The following LPO variants were observed in gnomAD, a reference collection of about 807,000 sequenced individuals.
The protein encoded by LPO is lactoperoxidase.
A neutral mutation model predicts 68.4 loss-of-function variants in LPO; 70 were observed. That is an observed-to-expected ratio of 1.02 (90% CI 0.84 to 1.25). The LOEUF (loss-of-function observed/expected upper bound fraction) is 1.25, where lower values mean the gene tolerates loss of function less well. Among genes scored for constraint, LPO ranks in the 50% most tolerant of loss-of-function variants. The pLI is 0.00. For missense variants in LPO, 873 were observed against 908.4 expected (o/e 0.96, Z 0.50); for synonymous variants, 360 against 357.6 (o/e 1.01, Z -0.08).
rs73314142 is a variant in LPO at position 58,253,106 on chromosome 17, A to G, written c.1105+600A>G. 3.0e-3 allele frequency among the ~76,000 whole-genome samples: 452 copies of G among 152,132 alleles called. 6 individuals carry two copies. The highest frequency in any genetic ancestry group is 0.01 in the African/African-American group (434 of 41,492). On this transcript the variant is annotated intron_variant, in intron 8 of 12. Transcript: ENST00000262290. The stretch of plus-strand genomic sequence containing the variant: ...ATTCACACAATCCCACTACCCACCA[A>G]TAATCATCGTTAACATTTTCATGCT...
chr17:58,263,395 A>G (rs901441740), intron 9 of LPO, among the ~76,000 whole-genome samples: 1 of 152,144 alleles, frequency 6.6e-6, no homozygotes, highest in African/African-American at 2.4e-5. Flanking sequence ...TTTCAGTTGT[A>G]TCTTAGACAT....
At chr17:58,248,031 CA>C (rs1332112957) in intron 4 of LPO, among the ~76,000 whole-genome samples, 1 of 151,792 alleles carries the variant, frequency 6.6e-6, no homozygotes, top group Non-Finnish European at 1.5e-5. Flanking sequence ...CCACATGTGT[CA>C]GGGGGATTTA....
At chr17:58,247,684 C>G in intron 4 of LPO, 46 bp downstream of exon 4, 1 of 1,590,922 alleles carries the variant, frequency 6.3e-7, no homozygotes, top group Non-Finnish European at 8.6e-7. Flanking sequence ...GGGTCATCTC[C>G]CCACAGGAGA....
chr17:58,248,253 T>A (rs568010546), intron 4 of LPO, among the ~76,000 whole-genome samples: 1 of 152,034 alleles, frequency 6.6e-6, no homozygotes, highest in Non-Finnish European at 1.5e-5. Context: ...TGGGAAAACA[T>A]CAAGTGAGGG....
rs8178333 is a variant in LPO at position 58,249,702 on chromosome 17, G to A, written c.573+7G>A. On this transcript the variant is annotated splice_region_variant and intron_variant, in intron 6 of 12. Coordinates refer to ENST00000262290, the MANE Select transcript of LPO (RefSeq NM_006151.3). ...CGGCTTCCCTCTCCCGCTGGTGAGGGCAGGCCGGGCCGGGGTGAAGGATGG... is the reference window on the plus strand; with the variant it reads ...CGGCTTCCCTCTCCCGCTGGTGAGGACAGGCCGGGCCGGGGTGAAGGATGG... 1,724 of 1,556,650 alleles carry A rather than the reference G, an allele frequency of 1.1e-3. 14 individuals carry two copies. In the African/African-American group the frequency reaches 0.021, roughly 19 times the overall value.
Position 58,267,529 on chromosome 17 carries a change from G to C in LPO, c.1874G>C (p.Gly625Ala), listed in dbSNP as rs780615326. ...AEPLVERGRV[G>A]PLLACLLGKQ... ...CCGCTGGTGGAAAGGGGTCGGGTGG[G>C]GCCTCTCCTGGCCTGCCTCTTGGGC... Residue 625 changes from glycine (G) to alanine (A), a missense_variant, in exon 12 of 13, where the codon GGG becomes GCG. Coordinates refer to ENST00000262290, the MANE Select transcript of LPO (RefSeq NM_006151.3). The C allele has an allele frequency of 1.2e-6, 2 of 1,613,892 alleles. No homozygotes were observed. The highest frequency in any genetic ancestry group is 2.2e-5 in the South Asian group (2 of 91,076).
At chr17:58,250,732 G>A in intron 7 of LPO, 111 bp downstream of exon 7, 2 of 1,141,988 alleles carry the variant, frequency 1.8e-6, no homozygotes, top group Non-Finnish European at 2.5e-6. Context: ...TACTGATTTG[G>A]TAGTTTCCCA....
At chr17:58,240,640 C>T (rs919026920) in intron 1 of LPO, among the ~76,000 whole-genome samples, 2 of 152,176 alleles carry the variant, frequency 1.3e-5, no homozygotes, top group African/African-American at 4.8e-5. Context: ...TCCCCCTCCT[C>T]CACTTTCCAG....
Position 58,249,645 on chromosome 17 carries a change from CCCTTCGGCT to C in LPO, c.524_532del (p.Pro175_Trp178delinsArg). On this transcript the variant is annotated inframe_deletion, in exon 6 of 13. Coordinates refer to ENST00000262290, the MANE Select transcript of LPO (RefSeq NM_006151.3). The stretch of plus-strand genomic sequence containing the variant: ...GGAGTACGAGGACGGGCTCTCCCTG[CCCTTCGGCT>C]GGACGCCGGGGAAGACGCGCAACGG... 6.3e-7 allele frequency: 1 copy of C among 1,597,022 alleles called. No individual in the cohort carries two copies. Among genetic ancestry groups the C allele is most frequent in the Non-Finnish European group, 8.5e-7 (1 of 1,176,816 alleles).
Position 58,247,523 on chromosome 17 carries a change from C to T in LPO, c.210C>T (p.Leu70=). ...CTGAGACTCCCACCAGCCGACAGCT[C>T]TCAGAATACCTCAAGCATGCCAAAG... The part of the protein sequence containing the change: ...MSSETPTSRQ[L]SEYLKHAKGR... Residue 70 remains leucine, a synonymous_variant, in exon 4 of 13, where the codon CTC becomes CTT. Coordinates refer to ENST00000262290, the MANE Select transcript of LPO (RefSeq NM_006151.3). 6.2e-7 allele frequency: 1 copy of T among 1,614,112 alleles called. No homozygotes were observed.
chr17:58,239,305 T>G (rs1045423740), intron 1 of LPO, among the ~76,000 whole-genome samples: 4 of 151,200 alleles, frequency 2.6e-5, no homozygotes, highest in African/African-American at 7.3e-5. Context: ...CTGTCTTAAG[T>G]GCCCTGTGGA....
intron 1 of LPO, among the ~76,000 whole-genome samples, chr17:58,241,831 A>G (rs1185787806): frequency 2.0e-5 from 3 of 152,242 alleles, no homozygotes; most frequent in African/African-American, 7.2e-5. Flanking sequence ...GACCTGATCC[A>G]TATACAGAGG....
intron 9 of LPO, among the ~76,000 whole-genome samples, chr17:58,261,834 AATAAAG>A (rs1255218065): frequency 6.6e-6 from 1 of 152,218 alleles, no homozygotes; most frequent in East Asian, 1.9e-4. Flanking sequence ...TAGATATAGA[AATAAAG>A]ATAGAGAGAG....
rs767189897 is a variant in LPO, at chr17:58,268,036, C to A, written c.*42C>A. 3 of 1,584,466 alleles carry A rather than the reference C, an allele frequency of 1.9e-6. No individual in the cohort carries two copies. The highest frequency in any genetic ancestry group is 8.7e-7 in the Non-Finnish European group (1 of 1,155,822). On this transcript the variant is annotated 3_prime_UTR_variant, in exon 13 of 13. Transcript: ENST00000262290. ...GGAAAGTTCCCTTTGGTCCACAGGG[C>A]CATTTCAAGCAAGTTCAATGACCTG...
intron 6 of LPO, among the ~76,000 whole-genome samples, chr17:58,250,065 A>G (rs1969930022): frequency 1.3e-5 from 2 of 151,942 alleles, no homozygotes; most frequent in Non-Finnish European, 2.9e-5. Flanking sequence ...CCCCTCTCCT[A>G]TTCCTGGACA....
intron 8 of LPO, among the ~76,000 whole-genome samples, chr17:58,253,375 T>A (rs1012409979): frequency 6.6e-6 from 1 of 152,260 alleles, no homozygotes; most frequent in Non-Finnish European, 1.5e-5. Context: ...GTTTTGTTGC[T>A]GTTGTTTAGG....
chr17:58,241,402 C>A (rs1356738666), intron 1 of LPO, among the ~76,000 whole-genome samples: 1 of 152,126 alleles, frequency 6.6e-6, no homozygotes, highest in Non-Finnish European at 1.5e-5. Flanking sequence ...TGAGCCACCA[C>A]ACCTGGCCAT....
rs1239551937 is a variant in LPO, at chr17:58,267,655, C to G, written c.1931+69C>G. On this transcript the variant is annotated intron_variant, in intron 12 of 12. Transcript: ENST00000262290. The stretch of plus-strand genomic sequence containing the variant: ...CCAAGAGGGGTGTCCCAAGGTCCTG[C>G]GTGAGCGCTGACTCCGGATCTCAGT... The G allele has an allele frequency of 6.1e-6, 9 of 1,486,268 alleles. No individual in the cohort carries two copies. The South Asian group carries it at 9.9e-5, about 16-fold the overall frequency. The allele number at this position is 1,486,268 out of a possible 1,614,324, so 92.1% of individuals were successfully genotyped here. A position where few individuals can be genotyped will look rare whatever the true frequency, so the allele number is the denominator to read the frequency against.
intron 9 of LPO, among the ~76,000 whole-genome samples, chr17:58,263,255 A>G (rs1970204796): frequency 6.6e-6 from 1 of 152,174 alleles, no homozygotes; most frequent in African/African-American, 2.4e-5. Context: ...TTATTGAAGC[A>G]TTTTTATAAT....
Sources: gnomAD v4.1 joint callset for allele counts (sites outside exome capture counted in the v4.1 genomes callset) on GRCh38, gnomAD v4.1.1 for gene constraint, MANE v1.5 for transcripts, NCBI Gene and HGNC (gene_info 2026-07-23, HGNC 2026-07-21) for gene names.